Variants in CHRNA2 observed in about 807,000 individuals in gnomAD.
CHRNA2 encodes cholinergic receptor nicotinic alpha 2 subunit.
A neutral mutation model predicts 45.5 loss-of-function variants in CHRNA2; 40 were observed. The observed-to-expected ratio is 0.88, with a 90% CI of 0.68 to 1.15. The LOEUF is 1.15. Among genes scored for constraint, CHRNA2 ranks in the 50% most tolerant of loss-of-function variants. The pLI, the probability that CHRNA2 is intolerant of heterozygous loss-of-function variation, is 0.00. For synonymous variants in CHRNA2, 301 were observed against 296.7 expected (o/e 1.01, Z -0.15); for missense variants, 655 against 701.7 (o/e 0.93, Z 0.75).
At chr8:27,465,285 CCA>C (rs1812661920) in intron 5 of CHRNA2, among the ~76,000 whole-genome samples, 1 of 152,096 alleles carries the variant, frequency 6.6e-6, no homozygotes, top group Admixed American at 6.5e-5. Flanking sequence ...CTTCTAATTC[CCA>C]CAGTCAATCC....
At position 27,469,834 on chromosome 8, in the gene CHRNA2, G is replaced by A. The variant is rs759595350; in HGVS notation, c.221C>T (p.Ala74Val). ...GTCTGAAGTGTTGGGCACCGGGCGC[G>A]CCCAGCGGTTGTAGCCCCGGAAGAG... ...KHLFRGYNRW[A>V]RPVPNTSDVV... The change falls in exon 3 of 7, where the codon GCG becomes GTG. Residue 74 changes from alanine to valine, a missense_variant. Transcript: ENST00000407991. 1.5e-5 allele frequency: 24 copies of A among 1,614,052 alleles called. No homozygotes were observed. The highest frequency in any genetic ancestry group is 6.7e-5 in the East Asian group (3 of 44,884).
chr8:27,476,293 T>C (rs1349658350), intron 1 of CHRNA2, among the ~76,000 whole-genome samples: 1 of 152,204 alleles, frequency 6.6e-6, no homozygotes, highest in African/African-American at 2.4e-5. Flanking sequence ...ACCCCTAATG[T>C]GGGGCATGAC....
chr8:27,470,050 T>A, intron 2 of CHRNA2, 69 bp from the exon 3 acceptor site: 1 of 1,366,492 alleles, frequency 7.3e-7, no homozygotes, highest in Non-Finnish European at 1.0e-6. Context: ...TGGAGATGCT[T>A]ATCCAGAACC....
chr8:27,466,001 G>C (rs940430188), intron 5 of CHRNA2, among the ~76,000 whole-genome samples: 44 of 152,248 alleles, frequency 2.9e-4, no homozygotes, highest in Admixed American at 7.8e-4. Context: ...ATTTGATGTA[G>C]GACTTTGCTC....
At position 27,463,226 on chromosome 8, in the gene CHRNA2, C is replaced by G. The variant is rs1812563867; in HGVS notation, c.1217G>C (p.Ser406Thr). 1.3e-6 allele frequency: 2 copies of G among 1,591,292 alleles called. No homozygotes were observed. Among genetic ancestry groups the G allele is most frequent in the African/African-American group, 2.7e-5 (2 of 74,584 alleles). Residue 406 changes from serine to threonine, a missense_variant, in exon 6 of 7, where the codon AGC (serine) becomes ACC (threonine). Physicochemically the swap from Ser to Thr is moderately conservative, Grantham distance 58 (BLOSUM62 1). Coordinates refer to ENST00000407991, the MANE Select transcript of CHRNA2 (RefSeq NM_000742.4). This position sits in a 1 kb window ranked among gnomAD's most constrained non-coding sequence, Gnocchi z 6.1. The stretch of plus-strand genomic sequence containing the variant: ...CTCCCTCTCCTCGGCATCCACGTTG[C>G]TCTCCAGCCAGTGATAAGAGGGGCT... ...KLSPSYHWLE[S>T]NVDAEEREVV...
rs1319128623 is a variant in CHRNA2, at chr8:27,463,507, C to G, written c.936G>C (p.Leu312=). 3 of 1,614,232 alleles carry G rather than the reference C, an allele frequency of 1.9e-6. No homozygotes were observed. The highest frequency in any genetic ancestry group is 1.7e-5 in the Admixed American group (1 of 60,030). The change falls in exon 6 of 7, where the codon CTG becomes CTC. Residue 312 remains leucine, a synonymous_variant. Transcript: ENST00000407991. The surrounding 1 kb of genome is among the most constrained non-coding windows in gnomAD (Gnocchi z 6.1). ...SVLLSLTVFL[L]LITEIIPSTS... is the part of the protein sequence containing the mutation. ...TGGACGGGATGATCTCAGTGATGAG[C>G]AGCAGGAAGACGGTGAGTGACAGCA... is the stretch of plus-strand genomic sequence containing the variant.
chr8:27,477,800 G>A (rs1252719411), intron 1 of CHRNA2, among the ~76,000 whole-genome samples: 1 of 152,084 alleles, frequency 6.6e-6, no homozygotes, highest in African/African-American at 2.4e-5. Flanking sequence ...AGTGGGTCTG[G>A]GTGAATGGGG....
chr8:27,472,168 A>ATC (rs1376236432), intron 1 of CHRNA2, among the ~76,000 whole-genome samples: 1 of 152,214 alleles, frequency 6.6e-6, no homozygotes, highest in Non-Finnish European at 1.5e-5. Flanking sequence ...CATCACCTGT[A>ATC]TCTTACACTA....
intron 2 of CHRNA2, 132 bp from the exon 3 acceptor site, chr8:27,470,113 C>T: frequency 1.1e-6 from 1 of 890,012 alleles, no homozygotes; most frequent in Non-Finnish European, 1.8e-6. Flanking sequence ...CAGAGCTGAG[C>T]ACAGCATGAG....
At chr8:27,473,990 C>T (rs1300154481) in intron 1 of CHRNA2, among the ~76,000 whole-genome samples, 1 of 152,172 alleles carries the variant, frequency 6.6e-6, no homozygotes, top group Non-Finnish European at 1.5e-5. Context: ...TGTGAAAGGT[C>T]ACTCAATCCC....
chr8:27,476,331 A>G (rs1182596290), intron 1 of CHRNA2, among the ~76,000 whole-genome samples: 2 of 152,158 alleles, frequency 1.3e-5, no homozygotes, highest in Non-Finnish European at 2.9e-5. Context: ...ATTGCTTCCA[A>G]AGCCATCCAG....
In CHRNA2 at chr8:27,461,586, G is replaced by T; in HGVS notation, c.*43C>A. The stretch of plus-strand genomic sequence containing the variant: ...GCTGTAGCAGAGACGGTCAAAAGAT[G>T]GTCAGCGGGGGTGCCCTGGGAGCCA... On this transcript the variant is annotated 3_prime_UTR_variant, in exon 7 of 7. Transcript: ENST00000407991. The T allele has an allele frequency of 6.2e-7, 1 of 1,613,220 alleles. No individual in the cohort carries two copies. The highest frequency in any genetic ancestry group is 1.1e-5 in the South Asian group (1 of 91,066).
intron 5 of CHRNA2, 78 bp downstream of exon 5, chr8:27,467,151 G>C: frequency 2.7e-6 from 3 of 1,103,634 alleles, no homozygotes; most frequent in Admixed American, 1.7e-5. Flanking sequence ...ACACCAGGGG[G>C]GCCCCTCCCA....
intron 6 of CHRNA2, among the ~76,000 whole-genome samples, chr8:27,462,644 G>A (rs1011535643): frequency 1.3e-5 from 2 of 152,148 alleles, no homozygotes; most frequent in African/African-American, 4.8e-5. Flanking sequence ...CCTGCCTGCC[G>A]CCACCTCCAA....
intron 4 of CHRNA2, 171 bp from the exon 5 acceptor site, chr8:27,467,509 T>G (rs1037130126): frequency 3.3e-5 from 20 of 600,448 alleles, no homozygotes; most frequent in Non-Finnish European, 5.1e-5. Context: ...GAACGGGCTC[T>G]GAGCAAGTAA....
chr8:27,463,403 A>T lies in CHRNA2; in HGVS notation c.1040T>A (p.Val347Asp). ...IFVTLSIVIT[V>D]FVLNVHHRSP... is the part of the protein sequence containing the mutation. Reference sequence around the variant, plus strand: ...GCGGTGGTGCACATTGAGCACGAAGACGGTGATGACGATGGACAGGGTGAC... The same window carrying T: ...GCGGTGGTGCACATTGAGCACGAAGTCGGTGATGACGATGGACAGGGTGAC... The change falls in exon 6 of 7, where the codon GTC (valine) becomes GAC (aspartate). Residue 347 changes from valine (V) to aspartate (D), a missense_variant. Physicochemically the swap from Val to Asp is radical, Grantham distance 152. This residue lies in a region of CHRNA2 where 295 missense variants were observed against 280.4 expected (regional missense o/e 1.05). Transcript: ENST00000407991. This position sits in a 1 kb window ranked among gnomAD's most constrained non-coding sequence, Gnocchi z 6.1. The T allele has an allele frequency of 6.2e-7, 1 of 1,614,132 alleles. No individual in the cohort carries two copies. The highest frequency in any genetic ancestry group is 1.1e-5 in the South Asian group (1 of 91,082).
chr8:27,469,616 C>T, intron 3 of CHRNA2, 145 bp downstream of exon 3: 1 of 1,054,760 alleles, frequency 9.5e-7, no homozygotes, highest in South Asian at 1.3e-5. Flanking sequence ...GAGAGCGTAG[C>T]CGCCCTGGGA....
At position 27,463,323 on chromosome 8, in the gene CHRNA2, C is replaced by T. The variant is rs1426033914; in HGVS notation, c.1120G>A (p.Val374Met). The T allele has an allele frequency of 6.2e-7, 1 of 1,612,866 alleles. No homozygotes were observed. Among genetic ancestry groups the T allele is most frequent in the Non-Finnish European group, 8.5e-7 (1 of 1,179,170 alleles). The change falls in exon 6 of 7, where the codon GTG becomes ATG. Residue 374 changes from valine to methionine, a missense_variant. Physicochemically the swap from Val to Met is conservative, Grantham distance 21 (BLOSUM62 1). This residue lies in a region of CHRNA2 where 295 missense variants were observed against 280.4 expected (regional missense o/e 1.05). Coordinates refer to ENST00000407991, the MANE Select transcript of CHRNA2 (RefSeq NM_000742.4). This position sits in a 1 kb window ranked among gnomAD's most constrained non-coding sequence, Gnocchi z 6.1. ...CGGTTCATCAGAAGCCACCGGGGCA[C>T]ACAGCCCAGAAGGGCCCCCCGCACC... ...HWVRGALLGC[V>M]PRWLLMNRPP...
At chr8:27,464,393 A>G (rs955038850) in intron 5 of CHRNA2, among the ~76,000 whole-genome samples, 1 of 152,076 alleles carries the variant, frequency 6.6e-6, no homozygotes, top group African/African-American at 2.4e-5. Context: ...TTATTCATTT[A>G]ATATTTTATT....
Sources: gnomAD v4.1 joint callset for allele counts (sites outside exome capture counted in the v4.1 genomes callset) on GRCh38, gnomAD v4.1.1 for gene constraint, gnomAD v4.1.1 regional missense constraint, Gnocchi (gnomAD v3.1) non-coding constraint, MANE v1.5 for transcripts, NCBI Gene and HGNC (gene_info 2026-07-23, HGNC 2026-07-21) for gene names.